The following NOL4L variants were observed in gnomAD, a reference collection of about 807,000 sequenced individuals.
NOL4L encodes the protein nucleolar protein 4-like.
A neutral mutation model predicts 64.5 loss-of-function variants in NOL4L; 7 were observed. That is an observed-to-expected ratio of 0.11 (90% confidence interval 0.06 to 0.20). The LOEUF (loss-of-function observed/expected upper bound fraction) is 0.20. Among genes scored for constraint, NOL4L ranks in the 10% least tolerant of loss-of-function variants. The pLI is 1.00. For synonymous variants in NOL4L, 413 were observed against 401.0 expected, an observed-to-expected ratio of 1.03 and a Z score of -0.36; for missense variants, 680 against 967.1, an observed-to-expected ratio of 0.70 and a Z score of 3.94.
intron 3 of NOL4L, 30 bp from the exon 4 acceptor site, chr20:32,511,486 TCAGTC>T (rs1298973610): frequency 6.8e-7 from 1 of 1,480,664 alleles, no homozygotes; most frequent in Non-Finnish European, 9.2e-7. Context: ...GAAAGCCCTT[TCAGTC>T]TGTGCTGCGG....
At chr20:32,578,634 C>T (rs1183432461) in intron 1 of NOL4L, among the ~76,000 whole-genome samples, 2 of 152,202 alleles carry the variant, frequency 1.3e-5, no homozygotes, top group Admixed American at 6.5e-5. Flanking sequence ...GCAGGGTGGC[C>T]TCAAGCACAT....
intron 4 of NOL4L, among the ~76,000 whole-genome samples, chr20:32,506,223 G>A (rs575758180): frequency 1.7e-4 from 26 of 152,132 alleles, no homozygotes; most frequent in East Asian, 5.8e-4. Flanking sequence ...GGCTTCCAAG[G>A]AGGGGGCTTC....
intron 1 of NOL4L, among the ~76,000 whole-genome samples, chr20:32,533,666 G>A (rs915202324): frequency 6.6e-6 from 1 of 152,194 alleles, no homozygotes; most frequent in African/African-American, 2.4e-5. Context: ...TGTGGATTAT[G>A]GATAGAAAGA....
At chr20:32,452,861 G>T in intron 9 of NOL4L, 23 bp downstream of exon 9, 1 of 1,613,110 alleles carries the variant, frequency 6.2e-7, no homozygotes. Flanking sequence ...AGCGGCCCCT[G>T]TAGTGGCTGC....
chr20:32,501,603 G>T (rs1019842194), intron 4 of NOL4L, among the ~76,000 whole-genome samples: 6 of 152,126 alleles, frequency 3.9e-5, no homozygotes, highest in Admixed American at 3.9e-4. Context: ...TGTGTGTCGA[G>T]GAGTGGGCAA....
At position 32,584,933 on chromosome 20, in the gene NOL4L, G is replaced by T. The variant is rs1980791903; in HGVS notation, c.-43C>A. 2 of 1,099,098 alleles carry T rather than the reference G, an allele frequency of 1.8e-6. No individual in the cohort carries two copies. Among genetic ancestry groups the T allele is most frequent in the Non-Finnish European group, 2.2e-6 (2 of 901,436 alleles). 68.1% of individuals were successfully genotyped at this position (1,099,098 alleles called of 1,614,324 possible). A position where few individuals can be genotyped will look rare whatever the true frequency, so the allele number is the denominator to read the frequency against. On this transcript the variant is annotated 5_prime_UTR_variant, in exon 1 of 11. Coordinates refer to ENST00000621426, the MANE Select transcript of NOL4L (RefSeq NM_001256798.2). ...CGCCCTCGGGGGCGGGCCGGCCGCC[G>T]GGCCGCCCGGTGCCGGGACTGGGCT...
intron 1 of NOL4L, chr20:32,536,271 T>A (rs1057394948): frequency 2.0e-6 from 2 of 985,166 alleles, no homozygotes; most frequent in East Asian, 2.3e-4. Flanking sequence ...GAGGTAGCCC[T>A]GAGCCAGCCA....
intron 1 of NOL4L, among the ~76,000 whole-genome samples, chr20:32,583,792 C>T (rs1980677019): frequency 2.0e-5 from 3 of 148,986 alleles, no homozygotes; most frequent in Admixed American, 6.6e-5. Flanking sequence ...TAGGCGGCTG[C>T]GGTTCCCCGC....
intron 1 of NOL4L, among the ~76,000 whole-genome samples, chr20:32,537,827 G>T (rs1263218665): frequency 2.0e-5 from 3 of 151,860 alleles, no homozygotes; most frequent in African/African-American, 7.3e-5. Flanking sequence ...AGCCCAGGAG[G>T]GAGTGCAATG....
intron 5 of NOL4L, among the ~76,000 whole-genome samples, chr20:32,468,219 T>C (rs2014714893): frequency 2.0e-5 from 3 of 152,070 alleles, no homozygotes; most frequent in Admixed American, 2.0e-4. Context: ...ATGCCACATA[T>C]TGGGCCCGAC....
rs1156868158 is a variant in NOL4L at position 32,464,184 on chromosome 20, A to G, written c.842-7789T>C. Among the ~76,000 whole-genome samples the G allele has an allele frequency of 6.6e-6, 1 of 151,776 alleles. No individual in the cohort carries two copies. Among genetic ancestry groups the G allele is most frequent in the Non-Finnish European group, 1.5e-5 (1 of 67,950 alleles). ...ACCCTGCTCTGAATTTGAGGCGTGC[A>G]CCTCCCCAGGACTGGCCCCCTGCCT... On this transcript the variant is annotated intron_variant, in intron 5 of 10. Transcript: ENST00000621426. The surrounding 1 kb of genome is among the most constrained non-coding windows in gnomAD (Gnocchi z 5.6).
At position 32,453,883 on chromosome 20, in the gene NOL4L, A is replaced by G. The variant is rs2013196103; in HGVS notation, c.1120-122T>C. 1.1e-6 allele frequency: 1 copy of G among 878,502 alleles called. No homozygotes were observed. The highest frequency in any genetic ancestry group is 1.7e-5 in the African/African-American group (1 of 59,562). The allele number at this position is 878,502 out of a possible 1,614,324, so 54.4% of individuals were successfully genotyped here. On this transcript the variant is annotated intron_variant, in intron 6 of 10. Transcript: ENST00000621426. This position sits in a 1 kb window ranked among gnomAD's most constrained non-coding sequence, Gnocchi z 5.6. ...CGCATGCCCTGCTGCCACGAGAGCC[A>G]TAGCTGCGAGGCCCTGAGCAAGTCA...
At chr20:32,504,337 G>T (rs940490472) in intron 4 of NOL4L, among the ~76,000 whole-genome samples, 5 of 152,098 alleles carry the variant, frequency 3.3e-5, no homozygotes, top group Non-Finnish European at 5.9e-5. Context: ...GAGGTGGGTA[G>T]ATCACGAGGT....
chr20:32,544,752 G>C (rs1040630057), intron 1 of NOL4L, among the ~76,000 whole-genome samples: 1 of 152,166 alleles, frequency 6.6e-6, no homozygotes, highest in Admixed American at 6.5e-5. Context: ...CAATGGCAGA[G>C]ATAGATCCCA....
At chr20:32,497,991 CTTCCTGCATTTTTTCCCCCAGATAATA>C (rs2145531013) in intron 4 of NOL4L, among the ~76,000 whole-genome samples, 1 of 152,362 alleles carries the variant, frequency 6.6e-6, no homozygotes, top group South Asian at 2.1e-4. Flanking sequence ...ATTACGAGTG[CTTCCTGCATTTTTTCCCCCAGATAATA>C]AAGTTGAAAG....
chr20:32,554,187 G>A (rs1397010746), intron 1 of NOL4L, among the ~76,000 whole-genome samples: 1 of 152,018 alleles, frequency 6.6e-6, no homozygotes, highest in Non-Finnish European at 1.5e-5. Flanking sequence ...CGGGCGTGGT[G>A]GCAGGTGCCT....
chr20:32,540,489 C>A (rs1231426739), intron 1 of NOL4L, among the ~76,000 whole-genome samples: 1 of 152,216 alleles, frequency 6.6e-6, no homozygotes, highest in Non-Finnish European at 1.5e-5. Flanking sequence ...CACAGCTTCA[C>A]ACATGTACAC....
chr20:32,450,814 G>A (rs1481486017), intron 10 of NOL4L, among the ~76,000 whole-genome samples: 2 of 152,158 alleles, frequency 1.3e-5, no homozygotes, highest in Non-Finnish European at 2.9e-5. Context: ...GGAATGAAAG[G>A]AGCCCGCCTA....
intron 4 of NOL4L, among the ~76,000 whole-genome samples, chr20:32,485,085 A>AC (rs1568643229): frequency 2.1e-5 from 3 of 144,412 alleles, no homozygotes; most frequent in African/African-American, 5.1e-5. Context: ...AAAAAAAAAA[A>AC]AACAACTAAA....
Sources: gnomAD v4.1 joint callset for allele counts (sites outside exome capture counted in the v4.1 genomes callset) on GRCh38, gnomAD v4.1.1 for gene constraint, Gnocchi (gnomAD v3.1) non-coding constraint, MANE v1.5 for transcripts, NCBI Gene and HGNC (gene_info 2026-07-23, HGNC 2026-07-21) for gene names.